PPP1R13L: variants seen among roughly 807,000 people sequenced by gnomAD.
The protein encoded by PPP1R13L is protein phosphatase 1 regulatory subunit 13 like, also known as relA-associated inhibitor.
Under a neutral mutation model 80.9 loss-of-function variants are expected in PPP1R13L, and 50 were observed. The ratio of observed to expected loss-of-function variants is 0.62; its 90% CI spans 0.49 to 0.78. The LOEUF is 0.78. Among genes scored for constraint, PPP1R13L ranks in the 30% least tolerant of loss-of-function variants. The pLI is 0.00. For synonymous variants in PPP1R13L, 602 were observed against 534.3 expected (o/e 1.13, Z -1.75); for missense variants, 1,200 against 1,205.9 (o/e 1.00, Z 0.07).
In PPP1R13L at chr19:45,391,891, G is replaced by T. The variant is rs755263635; in HGVS notation, c.1804C>A (p.Pro602Thr). Reference sequence around the variant, plus strand: ...CCTGTATTACTTACCATGCTCTGCGGCTGCTCTGGTGGGCTGCTCTGGGAC... The same window carrying T: ...CCTGTATTACTTACCATGCTCTGCGTCTGCTCTGGTGGGCTGCTCTGGGAC... ...APSQSSPPEQ[P>T]QSMEMRSVLR... The change falls in exon 8 of 13, where the codon CCG becomes ACG. Residue 602 changes from proline (P) to threonine (T), a missense_variant. By Grantham distance (38) the Pro-to-Thr change is conservative. This residue lies in a region of PPP1R13L where 214 missense variants were observed against 199.6 expected (regional missense o/e 1.07). Transcript: ENST00000360957. The T allele has an allele frequency of 4.7e-6, 7 of 1,479,832 alleles. No individual in the cohort carries two copies. The highest frequency in any genetic ancestry group is 3.6e-6 in the Non-Finnish European group (4 of 1,119,510). 91.7% of individuals were successfully genotyped at this position (1,479,832 alleles called of 1,614,324 possible).
chr19:45,386,547 G>A lies in PPP1R13L; in HGVS notation c.1816-367C>T, dbSNP rs561576226. ...ATAATGAATGCAATGAGACACACATGACAAAATGTTACCAGGAGTGTTCAT... is the reference window on the plus strand; with the variant it reads ...ATAATGAATGCAATGAGACACACATAACAAAATGTTACCAGGAGTGTTCAT... On this transcript the variant is annotated intron_variant, in intron 8 of 12. Coordinates refer to ENST00000360957, the MANE Select transcript of PPP1R13L (RefSeq NM_006663.4). 3.9e-5 allele frequency among the ~76,000 whole-genome samples: 6 copies of A among 152,026 alleles called. No homozygotes were observed. In the East Asian group the frequency reaches 9.7e-4, roughly 25 times the overall value.
Position 45,386,596 on chromosome 19 carries a change from T to C in PPP1R13L, c.1816-416A>G, listed in dbSNP as rs1043901716. On this transcript the variant is annotated intron_variant, in intron 8 of 12. Coordinates refer to ENST00000360957, the MANE Select transcript of PPP1R13L (RefSeq NM_006663.4). ...ATTCCGGATGTTTGGAATTTGAGCA[T>C]TTTATTATTCCTTGTATTTTCCTTT... Among the ~76,000 whole-genome samples, 7 of 151,960 alleles carry C rather than the reference T, an allele frequency of 4.6e-5. No individual in the cohort carries two copies. In the East Asian group the frequency reaches 1.4e-3, roughly 30 times the overall value.
In PPP1R13L at chr19:45,379,903, C is replaced by A; in HGVS notation, c.*287G>T. ...TGGGGGATGTGATGATGGTGGTAGG[C>A]ATGGGAGGCACTTTGGACGGGATCT... is the stretch of plus-strand genomic sequence containing the variant. On this transcript the variant is annotated 3_prime_UTR_variant, in exon 13 of 13. Coordinates refer to ENST00000360957, the MANE Select transcript of PPP1R13L (RefSeq NM_006663.4). 1 of 317,680 alleles carries A rather than the reference C, an allele frequency of 3.1e-6. No individual in the cohort carries two copies. The highest frequency in any genetic ancestry group is 4.8e-5 in the South Asian group (1 of 20,884). 19.7% of individuals were successfully genotyped at this position (317,680 alleles called of 1,614,324 possible). A position where few individuals can be genotyped will look rare whatever the true frequency, so the allele number is the denominator to read the frequency against.
intron 8 of PPP1R13L, among the ~76,000 whole-genome samples, chr19:45,390,363 G>A (rs1209266408): frequency 5.9e-5 from 9 of 152,246 alleles, no homozygotes; most frequent in Non-Finnish European, 1.5e-5. Context: ...TAAATAGCTA[G>A]ATGACCTTGG....
At position 45,398,346 on chromosome 19, in the gene PPP1R13L, G is replaced by C. The variant is rs1973159029; in HGVS notation, c.-21-7C>G. On this transcript the variant is annotated splice_region_variant and splice_polypyrimidine_tract_variant and intron_variant, in intron 1 of 12. Coordinates refer to ENST00000360957, the MANE Select transcript of PPP1R13L (RefSeq NM_006663.4). ...TGCCGGCCGGAGCGGGCGCCTGCAT[G>C]GTGGGGAGGGAGGGAGCTGGCTAAG... 6.2e-7 allele frequency: 1 copy of C among 1,612,278 alleles called. No homozygotes were observed. Among genetic ancestry groups the C allele is most frequent in the Non-Finnish European group, 8.5e-7 (1 of 1,179,764 alleles).
At chr19:45,403,322 G>A (rs146050218) in intron 1 of PPP1R13L, among the ~76,000 whole-genome samples, 1 of 152,112 alleles carries the variant, frequency 6.6e-6, no homozygotes, top group East Asian at 1.9e-4. Context: ...CCCTAAAAGG[G>A]CCCTTTCAAC....
At chr19:45,385,525 C>T (rs368397668) in intron 11 of PPP1R13L, 37 bp downstream of exon 11, 49 of 1,579,502 alleles carry the variant, frequency 3.1e-5, no homozygotes, top group Non-Finnish European at 4.2e-5. Flanking sequence ...CCTGCGCACC[C>T]GCCAGGTACC....
Position 45,385,850 on chromosome 19 carries a change from A to G in PPP1R13L, c.2055T>C (p.Asn685=), listed in dbSNP as rs778678815. The G allele has an allele frequency of 6.2e-7, 1 of 1,611,250 alleles. No homozygotes were observed. Among genetic ancestry groups the G allele is most frequent in the Non-Finnish European group, 8.5e-7 (1 of 1,178,924 alleles). Reference sequence around the variant, plus strand: ...AGCCGTGGCTGTCGGGGGAGTTGACATTGGCACCCGCGGTGATGAGGAAAT... The same window carrying G: ...AGCCGTGGCTGTCGGGGGAGTTGACGTTGGCACCCGCGGTGATGAGGAAAT... ...IVDFLITAGA[N]VNSPDSHGWT... Residue 685 remains asparagine, a synonymous_variant, in exon 10 of 13, where the codon AAT becomes AAC. Coordinates refer to ENST00000360957, the MANE Select transcript of PPP1R13L (RefSeq NM_006663.4).
intron 1 of PPP1R13L, among the ~76,000 whole-genome samples, chr19:45,402,402 C>T (rs912992830): frequency 2.6e-5 from 4 of 152,368 alleles, no homozygotes; most frequent in Non-Finnish European, 5.9e-5. Flanking sequence ...TTCCAAGATT[C>T]TCAGATTCCA....
Position 45,385,806 on chromosome 19 carries a change from G to T in PPP1R13L, c.2081+18C>A, listed in dbSNP as rs771750966. The T allele has an allele frequency of 1.2e-6, 2 of 1,609,096 alleles. No homozygotes were observed. The highest frequency in any genetic ancestry group is 1.1e-5 in the South Asian group (1 of 90,906). On this transcript the variant is annotated intron_variant, in intron 10 of 12. Coordinates refer to ENST00000360957, the MANE Select transcript of PPP1R13L (RefSeq NM_006663.4). ...CCGCCCACGGGGGACCCAGCCCACC[G>T]CGCGGGTCGGGGCTCACCAGCCGTG...
At chr19:45,405,665 C>T (rs1973329106), upstream of PPP1R13L, among the ~76,000 whole-genome samples, 1 of 152,250 alleles carries the variant, frequency 6.6e-6, no homozygotes, top group African/African-American at 2.4e-5. Context: ...TTGACCCTCC[C>T]TCCGCTCTGG....
Position 45,398,351 on chromosome 19 carries a change from G to A in PPP1R13L, c.-21-12C>T. ...GCCGGAGCGGGCGCCTGCATGGTGG[G>A]GAGGGAGGGAGCTGGCTAAGACCCC... On this transcript the variant is annotated splice_polypyrimidine_tract_variant and intron_variant, in intron 1 of 12. Coordinates refer to ENST00000360957, the MANE Select transcript of PPP1R13L (RefSeq NM_006663.4). 6.2e-7 allele frequency: 1 copy of A among 1,611,488 alleles called. No homozygotes were observed. Among genetic ancestry groups the A allele is most frequent in the South Asian group, 1.1e-5 (1 of 91,000 alleles).
At chr19:45,397,950 G>A (rs1973145900) in intron 3 of PPP1R13L, 55 bp downstream of exon 3, 1 of 1,570,352 alleles carries the variant, frequency 6.4e-7, no homozygotes, top group Non-Finnish European at 8.7e-7. Flanking sequence ...CAGGCCTCTG[G>A]TCTGGACTGT....
chr19:45,391,665 C>A (rs1222146722), intron 8 of PPP1R13L, among the ~76,000 whole-genome samples: 2 of 152,202 alleles, frequency 1.3e-5, no homozygotes, highest in African/African-American at 4.8e-5. Flanking sequence ...TGAAGGCAGG[C>A]TTACTCCCCG....
Position 45,395,634 on chromosome 19 carries a change from C to T in PPP1R13L, c.1156G>A (p.Gly386Arg), listed in dbSNP as rs1418579935. 5.4e-6 allele frequency: 8 copies of T among 1,468,206 alleles called. No homozygotes were observed. The highest frequency in any genetic ancestry group is 2.0e-4 in the Middle Eastern group (1 of 5,002). The allele number at this position is 1,468,206 out of a possible 1,614,324, so 90.9% of individuals were successfully genotyped here. A position where few individuals can be genotyped will look rare whatever the true frequency, so the allele number is the denominator to read the frequency against. Residue 386 changes from glycine to arginine, a missense_variant, in exon 7 of 13, where the codon GGG becomes AGG. By Grantham distance (125) the Gly-to-Arg change is moderately radical (BLOSUM62 -2). This residue lies in a region of PPP1R13L where 764 missense variants were observed against 714.5 expected (regional missense o/e 1.07). Coordinates refer to ENST00000360957, the MANE Select transcript of PPP1R13L (RefSeq NM_006663.4). ...CCAGGGAGCATGGCGCGGCTGGCCC[C>T]GTGCTCCCAGAAGGCGTTCTGCAGC... ...FKLQNAFWEH[G>R]ASRAMLPGSP...
At position 45,381,737 on chromosome 19, in the gene PPP1R13L, C is replaced by A. The variant is rs1303932774; in HGVS notation, c.2448+790G>T. Among the ~76,000 whole-genome samples the A allele has an allele frequency of 2.7e-5, 4 of 149,938 alleles. No individual in the cohort carries two copies. The East Asian group carries it at 7.9e-4, about 30-fold the overall frequency. On this transcript the variant is annotated intron_variant, in intron 12 of 12. Coordinates refer to ENST00000360957, the MANE Select transcript of PPP1R13L (RefSeq NM_006663.4). ...CCTGAGGTCAGGAGTTCAAGACCAG[C>A]CTGGCCAACGTGATGAAACCCTGTC...
At chr19:45,401,563 T>G (rs1188757733) in intron 1 of PPP1R13L, among the ~76,000 whole-genome samples, 1 of 152,116 alleles carries the variant, frequency 6.6e-6, no homozygotes, top group African/African-American at 2.4e-5. Flanking sequence ...TGTAAGGACC[T>G]TAGGACTGTA....
In PPP1R13L at chr19:45,396,186, T is replaced by C. The variant is rs1479978658; in HGVS notation, c.885A>G (p.Gly295=). The C allele has an allele frequency of 6.2e-7, 1 of 1,609,914 alleles. No individual in the cohort carries two copies. The highest frequency in any genetic ancestry group is 8.5e-7 in the Non-Finnish European group (1 of 1,179,062). ...TCCTCACCTTGCCGGTGCCCCCCAG[T>C]CCATCCAGGCTGCTCTCCCTCCAAG... ...LLPWRESSLD[G]LGGTGKDNLT... is the part of the protein sequence containing the mutation. Residue 295 remains glycine, a synonymous_variant, in exon 6 of 13, where the codon GGA becomes GGG. Coordinates refer to ENST00000360957, the MANE Select transcript of PPP1R13L (RefSeq NM_006663.4). The surrounding 1 kb of genome is among the most constrained non-coding windows in gnomAD (Gnocchi z 5.3).
At chr19:45,399,934 G>C (rs1034553232) in intron 1 of PPP1R13L, among the ~76,000 whole-genome samples, 2 of 151,610 alleles carry the variant, frequency 1.3e-5, no homozygotes, top group African/African-American at 4.8e-5. Flanking sequence ...GGGTGACAGA[G>C]CGAGGCTCTA....
Sources: gnomAD v4.1 joint callset for allele counts (sites outside exome capture counted in the v4.1 genomes callset) on GRCh38, gnomAD v4.1.1 for gene constraint, gnomAD v4.1.1 regional missense constraint, Gnocchi (gnomAD v3.1) non-coding constraint, MANE v1.5 for transcripts, NCBI Gene and HGNC (gene_info 2026-07-23, HGNC 2026-07-21) for gene names.